Variants in NPHP4 observed in about 807,000 individuals in gnomAD.
NPHP4 encodes nephrocystin-4.
In NPHP4, 151 loss-of-function variants were observed where a neutral mutation model predicts 155.8. That is an observed-to-expected ratio of 0.97 (90% CI 0.85 to 1.11). NPHP4 has a LOEUF of 1.11. NPHP4 is among the 50% of genes least tolerant of loss of function. The pLI is 0.00. For synonymous variants in NPHP4, 845 were observed against 816.8 expected (o/e 1.03, Z -0.59); for missense variants, 1,956 against 1,925.7 (o/e 1.02, Z -0.29).
intron 10 of NPHP4, among the ~76,000 whole-genome samples, chr1:5,932,535 T>G (rs1646328968): frequency 6.6e-6 from 1 of 151,836 alleles, no homozygotes; most frequent in African/African-American, 2.4e-5. Context: ...CCGCTAACCA[T>G]CCTCCAACAC....
At chr1:5,947,726 A>G (rs1421359367) in intron 8 of NPHP4, among the ~76,000 whole-genome samples, 4 of 152,190 alleles carry the variant, frequency 2.6e-5, no homozygotes, top group African/African-American at 9.7e-5. Flanking sequence ...ACAGAGCAGC[A>G]GGTCTTGCTG....
intron 26 of NPHP4, chr1:5,865,605 G>C (rs1277873500): frequency 1.2e-5 from 3 of 250,570 alleles, no homozygotes; most frequent in Non-Finnish European, 2.3e-5. Flanking sequence ...TCCTGGACAA[G>C]TGTCCACCCC....
chr1:5,941,805 C>G (rs1166806828), intron 9 of NPHP4, among the ~76,000 whole-genome samples: 1 of 152,140 alleles, frequency 6.6e-6, no homozygotes, highest in Non-Finnish European at 1.5e-5. Flanking sequence ...GAGTCCAGAC[C>G]CATGTGCGCT....
Position 5,890,538 on chromosome 1 carries a change from G to A in NPHP4, c.2304+330C>T, listed in dbSNP as rs764735819. Among the ~76,000 whole-genome samples, 32 of 152,192 alleles carry A rather than the reference G, an allele frequency of 2.1e-4. No homozygotes were observed. The highest frequency in any genetic ancestry group is 7.0e-4 in the African/African-American group (29 of 41,544). On this transcript the variant is annotated intron_variant, in intron 17 of 29. Coordinates refer to ENST00000378156, the MANE Select transcript of NPHP4 (RefSeq NM_015102.5). This position sits in a 1 kb window ranked among gnomAD's most constrained non-coding sequence, Gnocchi z 4.9. ...CATTCATTCATCCTCAACCCACCTC[G>A]GATGCACCTGCCCTCACCACATTCA...
intron 3 of NPHP4, among the ~76,000 whole-genome samples, chr1:5,970,008 C>T (rs1260297836): frequency 6.6e-6 from 1 of 152,102 alleles, no homozygotes; most frequent in Non-Finnish European, 1.5e-5. Context: ...CCACTCACAC[C>T]TTCCCATTCC....
At position 5,887,453 on chromosome 1, in the gene NPHP4, TGGC is replaced by T. The variant is rs772562835; in HGVS notation, c.2315_2317del (p.Arg772del). The T allele has an allele frequency of 1.2e-6, 2 of 1,613,102 alleles. No individual in the cohort carries two copies. The highest frequency in any genetic ancestry group is 1.7e-6 in the Non-Finnish European group (2 of 1,179,844). ...GGAGGCCTGCACAGCCGGCCGGCCT[TGGC>T]GGAGGAGATGCTGCAGAAGAGAAAA... On this transcript the variant is annotated inframe_deletion, in exon 18 of 30. Coordinates refer to ENST00000378156, the MANE Select transcript of NPHP4 (RefSeq NM_015102.5).
chr1:5,922,529 A>C (rs1645794284), intron 11 of NPHP4, among the ~76,000 whole-genome samples: 2 of 151,630 alleles, frequency 1.3e-5, no homozygotes, highest in Admixed American at 1.3e-4. Context: ...TGCCTTGGCT[A>C]TTCTTGACTA....
At chr1:5,982,614 T>C (rs1316738671) in intron 2 of NPHP4, among the ~76,000 whole-genome samples, 1 of 152,270 alleles carries the variant, frequency 6.6e-6, no homozygotes, top group Non-Finnish European at 1.5e-5. Context: ...TTTGTTCCTT[T>C]ATTTAGGTTG....
At position 5,865,288 on chromosome 1, in the gene NPHP4, G is replaced by A. The variant is rs558429618; in HGVS notation, c.3645-15C>T. 1.6e-4 allele frequency: 251 copies of A among 1,528,974 alleles called. 1 individual carries two copies. The South Asian group carries it at 2.8e-3, about 17-fold the overall frequency. The allele number at this position is 1,528,974 out of a possible 1,614,324, so 94.7% of individuals were successfully genotyped here. A position where few individuals can be genotyped will look rare whatever the true frequency, so the allele number is the denominator to read the frequency against. On this transcript the variant is annotated splice_polypyrimidine_tract_variant and intron_variant, in intron 26 of 29. Coordinates refer to ENST00000378156, the MANE Select transcript of NPHP4 (RefSeq NM_015102.5). ...GCCAGCGATCCCTGCAGTGGGATGG[G>A]AGCCATCTGCACTTGTCCCGGAGGA...
In NPHP4 at chr1:5,900,964, G is replaced by T. The variant is rs372613793; in HGVS notation, c.2143+3653C>A. Among the ~76,000 whole-genome samples, 35 of 152,214 alleles carry T rather than the reference G, an allele frequency of 2.3e-4. 1 individual carries two copies. The South Asian group carries it at 6.8e-3, about 30-fold the overall frequency. ...GTGGGAGGATTGTTTGGGCCCAGGA[G>T]GTCGAGGCTGCCATGAGCCATAATT... On this transcript the variant is annotated intron_variant, in intron 16 of 29. Transcript: ENST00000378156.
intron 5 of NPHP4, among the ~76,000 whole-genome samples, chr1:5,962,254 C>A (rs535951009): frequency 6.6e-6 from 1 of 152,186 alleles, no homozygotes; most frequent in East Asian, 1.9e-4. Context: ...ATCATAGCTT[C>A]CTGAAGCCTC....
rs771032417 is a variant in NPHP4, at chr1:5,948,060, G to A, written c.992+10C>T. On this transcript the variant is annotated intron_variant, in intron 8 of 29. Transcript: ENST00000378156. ...TCCCCACCCATCCCTGGGGACCCAA[G>A]AGACAATACCTGGTCTTGGAAGAGG... The A allele has an allele frequency of 3.7e-6, 6 of 1,610,986 alleles. No individual in the cohort carries two copies. The East Asian group carries it at 1.3e-4, about 36-fold the overall frequency.
intron 16 of NPHP4, among the ~76,000 whole-genome samples, chr1:5,893,824 C>T (rs552403322): frequency 6.6e-6 from 1 of 152,344 alleles, no homozygotes; most frequent in Non-Finnish European, 1.5e-5. Flanking sequence ...TGGCAACGGG[C>T]GTCTTCCCAG....
intron 12 of NPHP4, 49 bp downstream of exon 12, chr1:5,909,103 G>T: frequency 7.0e-7 from 1 of 1,432,062 alleles, no homozygotes; most frequent in Non-Finnish European, 9.7e-7. Flanking sequence ...TTTCTTGCAA[G>T]TAATTGACTC....
intron 11 of NPHP4, among the ~76,000 whole-genome samples, chr1:5,926,216 A>G (rs1221613426): frequency 2.0e-5 from 3 of 152,236 alleles, no homozygotes; most frequent in Non-Finnish European, 2.9e-5. Flanking sequence ...GAAAAAACAA[A>G]ACAATTAAAA....
In NPHP4 at chr1:5,919,069, G is replaced by A. The variant is rs1325861289; in HGVS notation, c.1441+8580C>T. On this transcript the variant is annotated intron_variant, in intron 11 of 29. Coordinates refer to ENST00000378156, the MANE Select transcript of NPHP4 (RefSeq NM_015102.5). ...ATCAACAAAGTCTCATTAGAACACAGCCACGTCCATTCATTAACGTATCGC... is the reference window on the plus strand; with the variant it reads ...ATCAACAAAGTCTCATTAGAACACAACCACGTCCATTCATTAACGTATCGC... Among the ~76,000 whole-genome samples the A allele has an allele frequency of 2.0e-5, 3 of 152,220 alleles. No homozygotes were observed. The East Asian group carries it at 5.8e-4, about 29-fold the overall frequency.
At position 5,978,294 on chromosome 1, in the gene NPHP4, C is replaced by A. The variant is rs753738829; in HGVS notation, c.255G>T (p.Pro85=). 2.5e-6 allele frequency: 4 copies of A among 1,607,894 alleles called. No individual in the cohort carries two copies. The highest frequency in any genetic ancestry group is 3.4e-6 in the Non-Finnish European group (4 of 1,177,550). Reference sequence around the variant, plus strand: ...CCTCATTAAAGACGATCCTGGACGGCGGTCTCTTCGTCGGCTTCACTGTGG... The same window carrying A: ...CCTCATTAAAGACGATCCTGGACGGAGGTCTCTTCGTCGGCTTCACTGTGG... The part of the protein sequence containing the change: ...WKTTVKPTKR[P]PSRIVFNEPL... The change falls in exon 3 of 30, where the codon CCG becomes CCT. Residue 85 remains proline, a synonymous_variant. Coordinates refer to ENST00000378156, the MANE Select transcript of NPHP4 (RefSeq NM_015102.5).
chr1:5,866,905 G>A (rs1347742344), intron 25 of NPHP4, 125 bp downstream of exon 25: 1 of 739,562 alleles, frequency 1.4e-6, no homozygotes, highest in African/African-American at 1.7e-5. Context: ...TTAGTACCTT[G>A]GGAAAGAAAC....
intron 11 of NPHP4, among the ~76,000 whole-genome samples, chr1:5,925,733 A>G (rs1206444727): frequency 6.6e-6 from 1 of 152,078 alleles, no homozygotes; most frequent in Admixed American, 6.5e-5. Context: ...CTCCTGCCTC[A>G]GCCTCCCAAG....
Sources: gnomAD v4.1 joint callset for allele counts (sites outside exome capture counted in the v4.1 genomes callset) on GRCh38, gnomAD v4.1.1 for gene constraint, Gnocchi (gnomAD v3.1) non-coding constraint, MANE v1.5 for transcripts, NCBI Gene and HGNC (gene_info 2026-07-23, HGNC 2026-07-21) for gene names.